Variants in TENM3 observed in about 807,000 individuals in gnomAD.
TENM3 encodes teneurin transmembrane protein 3, also known as teneurin-3.
In TENM3, 63 loss-of-function variants were observed where a neutral mutation model predicts 255.1. That is an observed-to-expected ratio of 0.25 (90% CI 0.20 to 0.30). The LOEUF is 0.30. Ranked by LOEUF, TENM3 falls within the 10% of genes least tolerant of loss-of-function variation. TENM3 has a pLI of 1.00. For synonymous variants in TENM3, 1,306 were observed against 1,322.3 expected, an observed-to-expected ratio of 0.99 and a Z score of 0.27; for missense variants, 2,929 against 3,461.1, an observed-to-expected ratio of 0.85 and a Z score of 3.86.
the TENM3 span, among the ~76,000 whole-genome samples, chr4:181,700,960 T>C: frequency 1.3e-5 from 2 of 152,214 alleles, no homozygotes; most frequent in Non-Finnish European, 2.9e-5. Context: ...AATTTTTATA[T>C]TTTACACACT....
At chr4:181,595,175 A>G in the TENM3 span, among the ~76,000 whole-genome samples, 1 of 152,100 alleles carries the variant, frequency 6.6e-6, no homozygotes, top group Admixed American at 6.5e-5. Flanking sequence ...TCACGCCTGT[A>G]ATCCCAGCAC....
At chr4:182,541,073 C>G (rs1467898403) in intron 3 of TENM3, among the ~76,000 whole-genome samples, 2 of 152,148 alleles carry the variant, frequency 1.3e-5, no homozygotes, top group South Asian at 2.1e-4. Context: ...AAACTAAAAC[C>G]GCTAAGAGTT....
the TENM3 span, among the ~76,000 whole-genome samples, chr4:182,003,879 AT>A: frequency 6.6e-6 from 1 of 152,256 alleles, no homozygotes; most frequent in East Asian, 1.9e-4. Context: ...TTGTCAATAT[AT>A]CATATAATTT....
intron 1 of TENM3, among the ~76,000 whole-genome samples, chr4:182,290,899 C>A (rs756750154): frequency 4.6e-5 from 7 of 152,122 alleles, no homozygotes; most frequent in Non-Finnish European, 1.0e-4. Context: ...CTGTTCACTG[C>A]AATCTCCATT....
the TENM3 span, among the ~76,000 whole-genome samples, chr4:181,893,486 T>TCCC: frequency 1.7e-3 from 19 of 11,360 alleles, no homozygotes; most frequent in South Asian, 0.012. Flanking sequence ...CACTTTCCCC[T>TCCC]GCCCACCCCC....
chr4:181,499,354 A>G, the TENM3 span, among the ~76,000 whole-genome samples: 1 of 152,352 alleles, frequency 6.6e-6, no homozygotes, highest in African/African-American at 2.4e-5. Flanking sequence ...GTACCTATAA[A>G]CAACCTATTT....
chr4:182,598,975 A>C (rs894396109), intron 3 of TENM3, among the ~76,000 whole-genome samples: 4 of 152,202 alleles, frequency 2.6e-5, no homozygotes, highest in South Asian at 2.1e-4. Context: ...TCATGGAGTC[A>C]TCTGACCCAT....
At chr4:181,977,574 A>G in the TENM3 span, among the ~76,000 whole-genome samples, 1 of 152,202 alleles carries the variant, frequency 6.6e-6, no homozygotes, top group Non-Finnish European at 1.5e-5. Flanking sequence ...TGAAGTTTTG[A>G]GAGGACAAGT....
the TENM3 span, among the ~76,000 whole-genome samples, chr4:181,500,037 T>C: frequency 6.7e-6 from 1 of 148,246 alleles, no homozygotes; most frequent in Non-Finnish European, 1.5e-5. Flanking sequence ...CAAAATCCAC[T>C]TTTTTTTTGA....
chr4:181,451,701 G>A, the TENM3 span, among the ~76,000 whole-genome samples: 243 of 152,262 alleles, frequency 1.6e-3, 12 homozygotes, highest in East Asian at 0.045. Context: ...CATATTTTTG[G>A]ATGGAGAAAA....
At chr4:181,466,139 C>CG in the TENM3 span, among the ~76,000 whole-genome samples, 1 of 119,042 alleles carries the variant, frequency 8.4e-6, no homozygotes, top group Non-Finnish European at 1.7e-5. Context: ...TTTTTTGAGA[C>CG]GGAGTTTCTC....
chr4:181,902,780 G>T, the TENM3 span, among the ~76,000 whole-genome samples: 1 of 152,044 alleles, frequency 6.6e-6, no homozygotes, highest in Admixed American at 6.6e-5. Flanking sequence ...GGGGGGCAAG[G>T]TGAGGGAGAG....
intron 3 of TENM3, among the ~76,000 whole-genome samples, chr4:182,351,468 C>T (rs1020931232): frequency 4.6e-5 from 7 of 152,156 alleles, no homozygotes; most frequent in Non-Finnish European, 8.8e-5. Flanking sequence ...ACAGTTACCC[C>T]CTGAATCACC....
rs917733773 is a variant in TENM3, at chr4:182,359,044, C to G, written c.511+12115C>G. 6.6e-5 allele frequency among the ~76,000 whole-genome samples: 10 copies of G among 151,450 alleles called. No homozygotes were observed. In the South Asian group the frequency reaches 1.5e-3, roughly 22 times the overall value. On this transcript the variant is annotated intron_variant, in intron 3 of 27. Coordinates refer to ENST00000511685, the MANE Select transcript of TENM3 (RefSeq NM_001080477.4). ...ATTTATTGATTTGCATATATTGAAC[C>G]AGCCTTGCACCCCAGGGATGAAGCC...
the TENM3 span, among the ~76,000 whole-genome samples, chr4:181,620,469 G>A: frequency 2.6e-5 from 4 of 151,840 alleles, no homozygotes; most frequent in Non-Finnish European, 4.4e-5. Context: ...TTTCTAATCC[G>A]GGTTTGGCTC....
the TENM3 span, among the ~76,000 whole-genome samples, chr4:181,808,920 T>A: frequency 1.3e-5 from 2 of 152,222 alleles, no homozygotes; most frequent in African/African-American, 2.4e-5. Flanking sequence ...CTAGATGAGA[T>A]GTGTTAACAA....
At chr4:182,168,869 GA>G (rs1416337329) in intron 1 of TENM3, among the ~76,000 whole-genome samples, 3 of 151,638 alleles carry the variant, frequency 2.0e-5, no homozygotes, top group Non-Finnish European at 1.5e-5. Context: ...TATATCTTCT[GA>G]AAAAAATTCA....
At chr4:182,405,414 G>A (rs1172549768) in intron 3 of TENM3, among the ~76,000 whole-genome samples, 1 of 152,176 alleles carries the variant, frequency 6.6e-6, no homozygotes, top group Non-Finnish European at 1.5e-5. Context: ...GCATTGAGCG[G>A]GAATAGATTG....
chr4:182,509,783 C>T (rs1451484793), intron 3 of TENM3, among the ~76,000 whole-genome samples: 2 of 151,770 alleles, frequency 1.3e-5, no homozygotes, highest in East Asian at 1.9e-4. Context: ...ACTAAAAATA[C>T]AAAACTAGCT....
Sources: allele counts gnomAD v4.1 joint callset (sites outside exome capture counted in the v4.1 genomes callset), GRCh38; gene constraint gnomAD v4.1.1; transcripts MANE v1.5; gene names NCBI Gene and HGNC (gene_info 2026-07-23, HGNC 2026-07-21).